ETNPPL: variants seen among roughly 807,000 people sequenced by gnomAD.
The protein encoded by ETNPPL is alanine--glyoxylate aminotransferase 2-like 1.
A neutral mutation model predicts 55.5 loss-of-function variants in ETNPPL; 30 were observed. That is an observed-to-expected ratio of 0.54 (90% CI 0.40 to 0.73). The LOEUF is 0.73. ETNPPL is among the 30% of genes least tolerant of loss of function. The pLI is 0.00. For synonymous variants in ETNPPL, 202 were observed against 207.2 expected (o/e 0.98, Z 0.21); for missense variants, 528 against 607.9 (o/e 0.87, Z 1.38).
chr4:108,754,502 T>C (rs1409706573), intron 5 of ETNPPL, 118 bp downstream of exon 5: 1 of 645,280 alleles, frequency 1.5e-6, no homozygotes. Context: ...GCAAGCCACA[T>C]AACTGCTCTT....
At chr4:108,748,626 G>A (rs570984854) in intron 8 of ETNPPL, among the ~76,000 whole-genome samples, 123 of 152,146 alleles carry the variant, frequency 8.1e-4, no homozygotes, top group African/African-American at 3.0e-3. Flanking sequence ...ATTTTTCCAA[G>A]CTTAAAGCTT....
At chr4:108,749,216 A>G (rs1386202728) in intron 8 of ETNPPL, 22 bp downstream of exon 8, 2 of 1,553,898 alleles carry the variant, frequency 1.3e-6, no homozygotes, top group Non-Finnish European at 1.8e-6. Flanking sequence ...TCTTAGCATT[A>G]AAGTTGGAGA....
rs1728270277 is a variant in ETNPPL at position 108,742,575 on chromosome 4, C to G, written c.1409G>C (p.Ser470Thr). The change falls in exon 13 of 13, where the codon AGC becomes ACC. Residue 470 changes from serine (S) to threonine (T), a missense_variant. Physicochemically the swap from Ser to Thr is moderately conservative, Grantham distance 58. Transcript: ENST00000296486. ...GGGATTTTCTTTGGAGTCAGTGGTG[C>G]TGTCCCTAAGCAGTTCTATGTGGGC... The part of the protein sequence containing the change: ...KEAHIELLRD[S>T]TTDSKENPSR... 4 of 1,614,138 alleles carry G rather than the reference C, an allele frequency of 2.5e-6. No individual in the cohort carries two copies. Among genetic ancestry groups the G allele is most frequent in the Non-Finnish European group, 3.4e-6 (4 of 1,180,012 alleles).
At chr4:108,751,666 A>C (rs1039552377) in intron 6 of ETNPPL, among the ~76,000 whole-genome samples, 2 of 152,252 alleles carry the variant, frequency 1.3e-5, no homozygotes, top group Non-Finnish European at 2.9e-5. Context: ...CCCAAGTTCT[A>C]GTTCAGACTA....
At position 108,743,867 on chromosome 4, in the gene ETNPPL, G is replaced by A. The variant is rs756729113; in HGVS notation, c.1304-11C>T. 1.9e-6 allele frequency: 3 copies of A among 1,591,474 alleles called. No homozygotes were observed. Among genetic ancestry groups the A allele is most frequent in the Admixed American group, 1.7e-5 (1 of 59,520 alleles). On this transcript the variant is annotated splice_polypyrimidine_tract_variant and intron_variant, in intron 11 of 12. Coordinates refer to ENST00000296486, the MANE Select transcript of ETNPPL (RefSeq NM_031279.4). ...TAGCTTCTTCTAAAACTGAATCAAG[G>A]AAGGTATTATGGAGAAGACAAAATA...
chr4:108,750,083 C>G (rs113222799), intron 7 of ETNPPL, among the ~76,000 whole-genome samples: 3 of 152,222 alleles, frequency 2.0e-5, no homozygotes, highest in African/African-American at 7.2e-5. Flanking sequence ...GGTTAGTCTT[C>G]AAATATTTAC....
In ETNPPL at chr4:108,752,959, GA is replaced by G; in HGVS notation, c.553del (p.Ser185GlnfsTer9). 1 of 1,613,058 alleles carries G rather than the reference GA, an allele frequency of 6.2e-7. No homozygotes were observed. The highest frequency in any genetic ancestry group is 2.2e-5 in the East Asian group (1 of 44,828). On this transcript the variant is annotated frameshift_variant, in exon 6 of 13. Transcript: ENST00000296486. LOFTEE classifies it high-confidence loss of function. ...RGKYREDHAD[S>X]ASAYADEVKK... ...CACTTCATCTGCATAAGCACTGGCT[GA>G]GTCTGCATGGTCTTCTCTATATTTT...
At chr4:108,761,449 T>C (rs944757905) in intron 1 of ETNPPL, among the ~76,000 whole-genome samples, 1 of 152,192 alleles carries the variant, frequency 6.6e-6, no homozygotes, top group African/African-American at 2.4e-5. Context: ...TTCTTATTGG[T>C]TCAAACTCAG....
intron 7 of ETNPPL, 49 bp downstream of exon 7, chr4:108,750,887 T>A: frequency 1.5e-6 from 2 of 1,293,794 alleles, no homozygotes; most frequent in Non-Finnish European, 2.3e-6. Context: ...CCTACAGAAT[T>A]GTCACAGTGC....
intron 4 of ETNPPL, among the ~76,000 whole-genome samples, chr4:108,755,765 G>A (rs1395112730): frequency 6.6e-6 from 1 of 152,240 alleles, no homozygotes; most frequent in Non-Finnish European, 1.5e-5. Context: ...AGGTTGCAAT[G>A]AGTGGAGATC....
chr4:108,756,530 G>A (rs771653715), intron 3 of ETNPPL, 38 bp from the exon 4 acceptor site: 2 of 1,489,210 alleles, frequency 1.3e-6, no homozygotes, highest in Non-Finnish European at 1.9e-6. Flanking sequence ...CACTGTGACA[G>A]TCTCTTTTTA....
intron 10 of ETNPPL, 114 bp downstream of exon 10, chr4:108,746,648 G>C: frequency 6.9e-7 from 1 of 1,458,848 alleles, no homozygotes; most frequent in Non-Finnish European, 9.5e-7. Flanking sequence ...ATTATAAATA[G>C]GATGTATTTA....
At chr4:108,742,747 A>T in intron 12 of ETNPPL, 135 bp from the exon 13 acceptor site, 2 of 906,840 alleles carry the variant, frequency 2.2e-6, no homozygotes, top group Non-Finnish European at 1.7e-6. Context: ...CTCCTTTCTA[A>T]CCCTCTCCTC....
intron 2 of ETNPPL, 130 bp downstream of exon 2, chr4:108,760,058 A>G: frequency 9.5e-7 from 1 of 1,056,664 alleles, no homozygotes; most frequent in Non-Finnish European, 1.4e-6. Context: ...GATTTTCCCC[A>G]CTAGGACTAC....
rs150908951 is a variant in ETNPPL, at chr4:108,746,445, T to C, written c.1257A>G (p.Glu419=). ...GGTCCACCATGAACTTTGCATCTTC[T>C]TCAGTGAAGCACATAGGTGGTTTTA... ...LKIKPPMCFT[E]EDAKFMVDQL... is the part of the protein sequence containing the mutation. Residue 419 remains glutamate, a synonymous_variant, in exon 11 of 13, where the codon GAA becomes GAG. Transcript: ENST00000296486. 1 of 1,614,046 alleles carries C rather than the reference T, an allele frequency of 6.2e-7. No homozygotes were observed. Among genetic ancestry groups the C allele is most frequent in the Non-Finnish European group, 8.5e-7 (1 of 1,180,000 alleles).
At chr4:108,743,049 A>T (rs979992048) in intron 12 of ETNPPL, among the ~76,000 whole-genome samples, 1 of 152,206 alleles carries the variant, frequency 6.6e-6, no homozygotes, top group African/African-American at 2.4e-5. Flanking sequence ...TTAGCGAATC[A>T]CTTGCTCTCA....
chr4:108,759,089 T>C (rs530192071), intron 3 of ETNPPL, among the ~76,000 whole-genome samples: 36 of 152,250 alleles, frequency 2.4e-4, no homozygotes, highest in Middle Eastern at 3.4e-3. Context: ...AATGTATCTA[T>C]TTGAGTTTCC....
intron 11 of ETNPPL, among the ~76,000 whole-genome samples, chr4:108,744,860 G>A (rs1338285745): frequency 1.3e-5 from 2 of 151,674 alleles, no homozygotes; most frequent in Non-Finnish European, 2.9e-5. Flanking sequence ...TGGAACTACA[G>A]GCGCACGCAC....
At chr4:108,760,562 AG>A (rs1729467364) in intron 1 of ETNPPL, among the ~76,000 whole-genome samples, 1 of 152,224 alleles carries the variant, frequency 6.6e-6, no homozygotes, top group African/African-American at 2.4e-5. Context: ...TTAGAGGCAC[AG>A]GAATCCACTC....
Sources: allele counts gnomAD v4.1 joint callset (sites outside exome capture counted in the v4.1 genomes callset), GRCh38; gene constraint gnomAD v4.1.1; transcripts MANE v1.5; gene names NCBI Gene and HGNC (gene_info 2026-07-23, HGNC 2026-07-21).